Variants in EMILIN2 observed in about 807,000 individuals in gnomAD.
EMILIN2 encodes elastin microfibril interfacer 2, also known as EMILIN-2.
In EMILIN2, 71 loss-of-function variants were observed where a neutral mutation model predicts 87.1. The observed-to-expected ratio is 0.82, with a 90% confidence interval of 0.67 to 0.99. The LOEUF is 0.99. Ranked by LOEUF, EMILIN2 falls within the 50% of genes least tolerant of loss-of-function variation. The pLI, the probability that EMILIN2 is intolerant of heterozygous loss-of-function variation, is 0.00. For missense variants in EMILIN2, 1,407 were observed against 1,371.8 expected (o/e 1.03, Z -0.40); for synonymous variants, 581 against 563.4 (o/e 1.03, Z -0.44).
At position 2,848,834 on chromosome 18, in the gene EMILIN2, G is replaced by A. The variant is rs2076589650; in HGVS notation, c.257+903G>A. ...TTGTCATTACAGCAGAGAATAGTCA[G>A]TAGGCGGATCTGTCTTTGGCAAAAC... is the stretch of plus-strand genomic sequence containing the variant. On this transcript the variant is annotated intron_variant, in intron 2 of 7. Transcript: ENST00000254528. The surrounding 1 kb of genome is among the most constrained non-coding windows in gnomAD (Gnocchi z 4.1). Among the ~76,000 whole-genome samples the A allele has an allele frequency of 6.6e-6, 1 of 152,192 alleles. No homozygotes were observed. Among genetic ancestry groups the A allele is most frequent in the African/African-American group, 2.4e-5 (1 of 41,438 alleles).
intron 4 of EMILIN2, among the ~76,000 whole-genome samples, chr18:2,905,786 T>C (rs967161542): frequency 6.8e-6 from 1 of 147,772 alleles, no homozygotes; most frequent in Non-Finnish European, 1.5e-5. Flanking sequence ...TTTTTTTGTT[T>C]TTTTTTTTTG....
Position 2,890,652 on chromosome 18 carries a change from G to A in EMILIN2, c.525G>A (p.Gly175=). The change falls in exon 4 of 8, where the codon GGG becomes GGA. Residue 175 remains glycine (G), a synonymous_variant. Coordinates refer to ENST00000254528, the MANE Select transcript of EMILIN2 (RefSeq NM_032048.3). This position sits in a 1 kb window ranked among gnomAD's most constrained non-coding sequence, Gnocchi z 4.7. ...GCTGGGGGGTAGATCCAAAAGAGGG[G>A]CCTCAGGAACTTCAGGAAAAGAAGA... is the stretch of plus-strand genomic sequence containing the variant. ...QPSWGVDPKE[G]PQELQEKKIQ... 3.1e-6 allele frequency: 5 copies of A among 1,614,090 alleles called. No homozygotes were observed. Among genetic ancestry groups the A allele is most frequent in the Non-Finnish European group, 3.4e-6 (4 of 1,179,968 alleles).
chr18:2,885,032 G>T lies in EMILIN2; in HGVS notation c.326G>T (p.Cys109Phe). Residue 109 changes from cysteine to phenylalanine, a missense_variant, in exon 3 of 8, where the codon TGC becomes TTC. Coordinates refer to ENST00000254528, the MANE Select transcript of EMILIN2 (RefSeq NM_032048.3). ...YKTVTQLEWR[C>F]CPGFRGGDCQ... ...ACAGTGACACAGTTGGAATGGAGGT[G>T]CTGTCCTGGCTTTAGAGGGGGAGAT... 1.9e-6 allele frequency: 3 copies of T among 1,613,896 alleles called. No individual in the cohort carries two copies. The highest frequency in any genetic ancestry group is 2.5e-6 in the Non-Finnish European group (3 of 1,179,900).
At chr18:2,858,631 C>A (rs1436864170) in intron 2 of EMILIN2, among the ~76,000 whole-genome samples, 4 of 117,294 alleles carry the variant, frequency 3.4e-5, no homozygotes, top group Non-Finnish European at 7.0e-5. Context: ...TCCACAGTTT[C>A]TTTTTTCTCT....
intron 2 of EMILIN2, among the ~76,000 whole-genome samples, chr18:2,883,946 T>C (rs992742486): frequency 6.6e-6 from 1 of 151,858 alleles, no homozygotes; most frequent in African/African-American, 2.4e-5. Context: ...GTGCCAGGGA[T>C]GTTTCTTTCT....
In EMILIN2 at chr18:2,886,427, A is replaced by G. The variant is rs544301475; in HGVS notation, c.433+1288A>G. The stretch of plus-strand genomic sequence containing the variant: ...TTTATAAGGACTAATAGGAAAAACA[A>G]TGACCACCCTGAAACCCTTTTTCTC... On this transcript the variant is annotated intron_variant, in intron 3 of 7. Transcript: ENST00000254528. 5.9e-5 allele frequency among the ~76,000 whole-genome samples: 9 copies of G among 152,370 alleles called. No individual in the cohort carries two copies. In the South Asian group the frequency reaches 1.7e-3, roughly 28 times the overall value.
rs1193629535 is a variant in EMILIN2 at position 2,847,833 on chromosome 18, C to T, written c.159C>T (p.Asn53=). ...RNKNWCAYIV[N]KNVSCSVLEG... is the part of the protein sequence containing the mutation. Reference sequence around the variant, plus strand: ...GGAACTGGTGCGCCTACATCGTGAACAAGAATGTGAGCTGCTCCGTGCTGG... The same window carrying T: ...GGAACTGGTGCGCCTACATCGTGAATAAGAATGTGAGCTGCTCCGTGCTGG... Residue 53 remains asparagine, a synonymous_variant, in exon 2 of 8, where the codon AAC becomes AAT. Coordinates refer to ENST00000254528, the MANE Select transcript of EMILIN2 (RefSeq NM_032048.3). The surrounding 1 kb of genome is among the most constrained non-coding windows in gnomAD (Gnocchi z 4.5). 1.2e-6 allele frequency: 2 copies of T among 1,613,550 alleles called. No homozygotes were observed. Among genetic ancestry groups the T allele is most frequent in the Non-Finnish European group, 1.7e-6 (2 of 1,179,836 alleles).
At position 2,864,410 on chromosome 18, in the gene EMILIN2, G is replaced by A. The variant is rs543462233; in HGVS notation, c.257+16479G>A. Among the ~76,000 whole-genome samples the A allele has an allele frequency of 1.1e-4, 16 of 152,244 alleles. No individual in the cohort carries two copies. The South Asian group carries it at 3.3e-3, about 32-fold the overall frequency. On this transcript the variant is annotated intron_variant, in intron 2 of 7. Coordinates refer to ENST00000254528, the MANE Select transcript of EMILIN2 (RefSeq NM_032048.3). ...TTCCTGCAGGAGCTCTTTTAGGGCA[G>A]GCCTGGTGGTGACAAAATCTCTCAG...
intron 2 of EMILIN2, among the ~76,000 whole-genome samples, chr18:2,852,974 G>C (rs565656579): frequency 6.6e-6 from 1 of 152,270 alleles, no homozygotes; most frequent in East Asian, 1.9e-4. Context: ...AACAAAACAT[G>C]ATTTGTCTTC....
chr18:2,885,213 T>C (rs1719437112), intron 3 of EMILIN2, 74 bp downstream of exon 3: 1 of 1,463,904 alleles, frequency 6.8e-7, no homozygotes, highest in South Asian at 1.4e-5. Flanking sequence ...ACAGGATTTG[T>C]GCTTTACAAT....
chr18:2,888,605 C>CTCGG (rs1487227691), intron 3 of EMILIN2, among the ~76,000 whole-genome samples: 7 of 151,402 alleles, frequency 4.6e-5, no homozygotes, highest in Admixed American at 4.6e-4. Context: ...GTCCCAGCTA[C>CTCGG]TCGGGAGGCT....
chr18:2,851,420 G>A (rs1020279845), intron 2 of EMILIN2, among the ~76,000 whole-genome samples: 4 of 152,200 alleles, frequency 2.6e-5, no homozygotes, highest in African/African-American at 9.7e-5. Flanking sequence ...GGGTGATAGA[G>A]TGAGATCCTG....
chr18:2,896,409 C>T (rs2076864061), intron 4 of EMILIN2, among the ~76,000 whole-genome samples: 1 of 152,044 alleles, frequency 6.6e-6, no homozygotes, highest in African/African-American at 2.4e-5. Flanking sequence ...CTCCTGACCT[C>T]AGGTGATCCA....
At chr18:2,879,348 A>G (rs2076765300) in intron 2 of EMILIN2, among the ~76,000 whole-genome samples, 2 of 152,194 alleles carry the variant, frequency 1.3e-5, no homozygotes, top group South Asian at 2.1e-4. Flanking sequence ...AAAATGTTCA[A>G]TCTTAATTGG....
chr18:2,905,393 T>C (rs1369727425), intron 4 of EMILIN2, among the ~76,000 whole-genome samples: 2 of 151,842 alleles, frequency 1.3e-5, no homozygotes, highest in African/African-American at 4.8e-5. Flanking sequence ...TATATATATA[T>C]ATGGGGTACA....
At chr18:2,861,490 A>T (rs139693594) in intron 2 of EMILIN2, among the ~76,000 whole-genome samples, 28,948 of 152,106 alleles carry the variant, frequency 0.19, 3,371 homozygotes, top group Non-Finnish European at 0.26. Context: ...TAAATAGGGA[A>T]TCCTTTCCCC....
At chr18:2,888,714 CAA>C (rs530260960) in intron 3 of EMILIN2, among the ~76,000 whole-genome samples, 63 of 81,964 alleles carry the variant, frequency 7.7e-4, no homozygotes, top group African/African-American at 1.8e-3. Flanking sequence ...GATTCTGTCT[CAA>C]AAAAAAAAAA....
rs1475838427 is a variant in EMILIN2 at position 2,882,279 on chromosome 18, G to A, written c.258-2685G>A. Among the ~76,000 whole-genome samples the A allele has an allele frequency of 3.9e-5, 6 of 152,184 alleles. 1 individual carries two copies. Among genetic ancestry groups the A allele is most frequent in the African/African-American group, 1.2e-4 (5 of 41,444 alleles). ...CCCTTGTTTTTCCATTTTACTACCA[G>A]GCTTCCTCTTCAGTTTTCCTTGGAA... On this transcript the variant is annotated intron_variant, in intron 2 of 7. Transcript: ENST00000254528.
chr18:2,893,022 A>C (rs1462265200), intron 4 of EMILIN2, among the ~76,000 whole-genome samples: 1 of 152,090 alleles, frequency 6.6e-6, no homozygotes, highest in Non-Finnish European at 1.5e-5. Flanking sequence ...ACTGCACTCC[A>C]GCCTGGGCAA....
Sources: allele counts gnomAD v4.1 joint callset (sites outside exome capture counted in the v4.1 genomes callset), GRCh38; gene constraint gnomAD v4.1.1; non-coding constraint Gnocchi (gnomAD v3.1); transcripts MANE v1.5; gene names NCBI Gene and HGNC (gene_info 2026-07-23, HGNC 2026-07-21).